CTSK: variants seen among roughly 807,000 people sequenced by gnomAD.
The protein encoded by CTSK is cathepsin O.
In CTSK, 26 loss-of-function variants were observed where a neutral mutation model predicts 40.5. The observed-to-expected ratio is 0.64, with a 90% CI of 0.47 to 0.89. CTSK has a LOEUF of 0.89. Among genes scored for constraint, CTSK ranks in the 40% least tolerant of loss-of-function variants. The probability of loss-of-function intolerance (pLI) is 0.00; values close to 1 mark genes in which losing one functional copy is unlikely to be tolerated. For synonymous variants in CTSK, 132 were observed against 143.2 expected, an observed-to-expected ratio of 0.92 and a Z score of 0.56; for missense variants, 292 against 400.1, an observed-to-expected ratio of 0.73 and a Z score of 2.30.
intron 1 of CTSK, 124 bp downstream of exon 1, chr1:150,808,090 T>C (rs1042311132): frequency 2.0e-5 from 3 of 152,224 alleles, no homozygotes; most frequent in South Asian, 2.1e-4. Context: ...ACCTAAGAAG[T>C]GCATCTCTGT....
At chr1:150,799,841 G>A in intron 5 of CTSK, 132 bp from the exon 6 acceptor site, 1 of 887,002 alleles carries the variant, frequency 1.1e-6, no homozygotes, top group Non-Finnish European at 1.9e-6. Context: ...TTCTAGAGAG[G>A]GTCTGTTCTT....
rs1228038060 is a variant in CTSK, at chr1:150,805,843, C to T, written c.399+18G>A. ...TCATGCCAGATTACATATGCACACC[C>T]AGAAGAAAGGAGAGTACCTGATTTT... On this transcript the variant is annotated intron_variant, in intron 4 of 7. Transcript: ENST00000271651. 2 of 1,613,778 alleles carry T rather than the reference C, an allele frequency of 1.2e-6. No homozygotes were observed. Among genetic ancestry groups the T allele is most frequent in the Non-Finnish European group, 1.7e-6 (2 of 1,179,878 alleles).
At chr1:150,797,244 T>C (rs1319410090) in intron 7 of CTSK, among the ~76,000 whole-genome samples, 2 of 152,110 alleles carry the variant, frequency 1.3e-5, no homozygotes, top group Non-Finnish European at 2.9e-5. Context: ...GTTAGGATCA[T>C]GTAGCTGAAA....
At chr1:150,807,869 T>G (rs964474421) in intron 1 of CTSK, among the ~76,000 whole-genome samples, 2 of 152,158 alleles carry the variant, frequency 1.3e-5, no homozygotes, top group African/African-American at 4.8e-5. Context: ...AGCTACTACC[T>G]CCCCATACCA....
rs181047849 is a variant in CTSK, at chr1:150,802,804, G to A, written c.618+1217C>T. ...TCCTAGCTATTTGGGAGGCTGAGGC[G>A]AGAGGATTGCTTGAGCCCAGGAAGT... On this transcript the variant is annotated intron_variant, in intron 5 of 7. Transcript: ENST00000271651. 2.3e-3 allele frequency among the ~76,000 whole-genome samples: 352 copies of A among 152,182 alleles called. 2 individuals are homozygous for A. Among genetic ancestry groups the A allele is most frequent in the African/African-American group, 8.0e-3 (332 of 41,510 alleles).
chr1:150,802,700 G>A (rs1051769512), intron 5 of CTSK, among the ~76,000 whole-genome samples: 1 of 152,048 alleles, frequency 6.6e-6, no homozygotes, highest in Non-Finnish European at 1.5e-5. Context: ...TTACAGGCAT[G>A]AGCCACCATG....
Position 150,796,884 on chromosome 1 carries a change from C to T in CTSK, c.905G>A (p.Trp302Ter), listed in dbSNP as rs1571122183. The change falls in exon 8 of 8, where the codon TGG (tryptophan) becomes TAG (stop). Residue 302 changes from tryptophan to a stop codon, truncating the protein, a stop_gained. Transcript: ENST00000271651. LOFTEE classifies it high-confidence loss of function. ...CATGAGGATATATCCTTTGTTTCCC[C>T]AGTTTTCTCCCCAGCTGTAAGACCA... ...WIIKNSWGEN[W>*]GNKGYILMAR... 1.9e-6 allele frequency: 3 copies of T among 1,613,464 alleles called. No homozygotes were observed. Among genetic ancestry groups the T allele is most frequent in the Non-Finnish European group, 2.5e-6 (3 of 1,179,484 alleles).
chr1:150,796,963 G>T, intron 7 of CTSK, 65 bp from the exon 8 acceptor site: 1 of 1,143,516 alleles, frequency 8.7e-7, no homozygotes, highest in South Asian at 1.2e-5. Flanking sequence ...AATATTTACT[G>T]AGTATTGTGC....
intron 4 of CTSK, 25 bp from the exon 5 acceptor site, chr1:150,804,264 C>T (rs771093675): frequency 1.3e-6 from 2 of 1,568,956 alleles, no homozygotes; most frequent in South Asian, 2.2e-5. Flanking sequence ...GAGAAACTAT[C>T]AATCTTTGCT....
chr1:150,808,036 G>C (rs587693164), intron 1 of CTSK, among the ~76,000 whole-genome samples, 178 bp downstream of exon 1: 1 of 152,226 alleles, frequency 6.6e-6, no homozygotes, highest in African/African-American at 2.4e-5. Flanking sequence ...ATCATACAAG[G>C]AATTCTACAG....
In CTSK at chr1:150,806,345, A is replaced by G; in HGVS notation, c.121-121T>C. 18 of 1,160,864 alleles carry G rather than the reference A, an allele frequency of 1.6e-5. No homozygotes were observed. In the South Asian group the frequency reaches 2.5e-4, roughly 16 times the overall value. 71.9% of individuals were successfully genotyped at this position (1,160,864 alleles called of 1,614,324 possible). A position where few individuals can be genotyped will look rare whatever the true frequency, so the allele number is the denominator to read the frequency against. Reference sequence around the variant, plus strand: ...TAAAAGTTTACAGTTTAGTTGGGGAACTAACCATGGAATTAAGAGCCTGCA... The same window carrying G: ...TAAAAGTTTACAGTTTAGTTGGGGAGCTAACCATGGAATTAAGAGCCTGCA... On this transcript the variant is annotated intron_variant, in intron 2 of 7. Coordinates refer to ENST00000271651, the MANE Select transcript of CTSK (RefSeq NM_000396.4).
chr1:150,796,382 GAT>G lies in CTSK; in HGVS notation c.*415_*416del. 4.4e-6 allele frequency: 1 copy of G among 228,080 alleles called. No homozygotes were observed. Among genetic ancestry groups the G allele is most frequent in the Admixed American group, 5.1e-5 (1 of 19,660 alleles). The allele number at this position is 228,080 out of a possible 1,614,324, so 14.1% of individuals were successfully genotyped here. A position where few individuals can be genotyped will look rare whatever the true frequency, so the allele number is the denominator to read the frequency against. ...AAAACATAGACATTTCTACCTTGAG[GAT>G]ATAGAAGGGAACTTAGGAAGTGAGA... On this transcript the variant is annotated 3_prime_UTR_variant, in exon 8 of 8. Coordinates refer to ENST00000271651, the MANE Select transcript of CTSK (RefSeq NM_000396.4).
intron 1 of CTSK, chr1:150,807,208 G>T (rs1213416110): frequency 2.1e-6 from 1 of 473,044 alleles, no homozygotes; most frequent in Admixed American, 2.4e-5. Context: ...AGCAGGCTTG[G>T]AGACAGACAA....
intron 5 of CTSK, among the ~76,000 whole-genome samples, chr1:150,800,205 A>AAAAAAAAAAAAG (rs1366224801): frequency 2.0e-5 from 3 of 151,536 alleles, no homozygotes; most frequent in African/African-American, 4.8e-5. Flanking sequence ...AAAAAAAAAA[A>AAAAAAAAAAAAG]AAATCAACTA....
intron 7 of CTSK, among the ~76,000 whole-genome samples, chr1:150,798,211 T>C (rs1571122748): frequency 6.6e-6 from 1 of 152,224 alleles, no homozygotes; most frequent in Non-Finnish European, 1.5e-5. Context: ...CTTTTTTTGT[T>C]TATATCTTAT....
rs754286434 is a variant in CTSK at position 150,806,806 on chromosome 1, C to A, written c.-1G>T. 7 of 1,613,760 alleles carry A rather than the reference C, an allele frequency of 4.3e-6. No individual in the cohort carries two copies. The highest frequency in any genetic ancestry group is 5.9e-6 in the Non-Finnish European group (7 of 1,180,012). On this transcript the variant is annotated splice_region_variant and 5_prime_UTR_variant, in exon 2 of 8. Coordinates refer to ENST00000271651, the MANE Select transcript of CTSK (RefSeq NM_000396.4). ...GCAGCAGAACCTTGAGCCCCCACAT[C>A]CTGCAGAAGAATGTAGTTAGGGAAA...
Position 150,806,016 on chromosome 1 carries a change from T to A in CTSK, c.244A>T (p.Thr82Ser), listed in dbSNP as rs145693431. 1 of 1,613,960 alleles carries A rather than the reference T, an allele frequency of 6.2e-7. No homozygotes were observed. The highest frequency in any genetic ancestry group is 1.3e-5 in the African/African-American group (1 of 74,856). Residue 82 changes from threonine (T) to serine (S), a missense_variant and splice_region_variant, in exon 4 of 8, where the codon ACC becomes TCC. By Grantham distance (58) the Thr-to-Ser change is moderately conservative. Transcript: ENST00000271651. Reference sequence around the variant, plus strand: ...ATCTTCTGAACCACCTCTTCACTGGTCTAAGACAAAGAAGAAAGAGGCCAG... The same window carrying A: ...ATCTTCTGAACCACCTCTTCACTGGACTAAGACAAAGAAGAAAGAGGCCAG... ...ELAMNHLGDM[T>S]SEEVVQKMTG... is the part of the protein sequence containing the mutation.
At chr1:150,801,063 T>TA (rs35271852) in intron 5 of CTSK, 52,714 of 152,332 alleles carry the variant, frequency 0.35, 9,434 homozygotes, top group South Asian at 0.53. Flanking sequence ...ACCTGCATTA[T>TA]GCTGGAACAA....
At chr1:150,799,009 A>C (rs1292627847) in intron 7 of CTSK, among the ~76,000 whole-genome samples, 159 bp downstream of exon 7, 2 of 152,188 alleles carry the variant, frequency 1.3e-5, no homozygotes, top group Admixed American at 1.3e-4. Context: ...ATTAAGTGTC[A>C]GACTGAGAAT....
Sources: allele counts gnomAD v4.1 joint callset (sites outside exome capture counted in the v4.1 genomes callset), GRCh38; gene constraint gnomAD v4.1.1; transcripts MANE v1.5; gene names NCBI Gene and HGNC (gene_info 2026-07-23, HGNC 2026-07-21).